The following ZNF423 variants were observed in gnomAD, a reference collection of about 807,000 sequenced individuals.
ZNF423 encodes the protein zinc finger protein 423, also known as Ebf-associated zinc finger protein.
In ZNF423, 12 loss-of-function variants were observed where a neutral mutation model predicts 95.8. The ratio of observed to expected loss-of-function variants is 0.13; its 90% confidence interval spans 0.08 to 0.20. The LOEUF (loss-of-function observed/expected upper bound fraction) is 0.20, where lower values mean the gene tolerates loss of function less well. Among genes scored for constraint, ZNF423 ranks in the 10% least tolerant of loss-of-function variants. ZNF423 has a pLI of 1.00. For synonymous variants in ZNF423, 749 were observed against 711.9 expected, an observed-to-expected ratio of 1.05 and a Z score of -0.83; for missense variants, 1,316 against 1,737.1, an observed-to-expected ratio of 0.76 and a Z score of 4.31.
At chr16:49,630,466 T>C (rs1436198172) in intron 4 of ZNF423, among the ~76,000 whole-genome samples, 1 of 152,036 alleles carries the variant, frequency 6.6e-6, no homozygotes, top group African/African-American at 2.4e-5. Flanking sequence ...GGAAGCTTCA[T>C]CACAAGGAAG....
At chr16:49,671,535 C>T (rs779735733) in intron 3 of ZNF423, among the ~76,000 whole-genome samples, 17 of 152,222 alleles carry the variant, frequency 1.1e-4, no homozygotes, top group African/African-American at 2.4e-4. Flanking sequence ...CCACCCACCC[C>T]GCCCTGCATG....
chr16:49,666,270 A>G (rs2030540354), intron 3 of ZNF423, among the ~76,000 whole-genome samples: 1 of 152,192 alleles, frequency 6.6e-6, no homozygotes, highest in Admixed American at 6.5e-5. Flanking sequence ...TGTAGCCCCT[A>G]CCATACGTTA....
chr16:49,730,506 G>A (rs1194159877), intron 3 of ZNF423: 1 of 523,780 alleles, frequency 1.9e-6, no homozygotes, highest in Non-Finnish European at 3.4e-6. Flanking sequence ...ACCCATTCAT[G>A]GCCTGAGTAC....
At chr16:49,770,753 C>A (rs1802230360) in intron 2 of ZNF423, among the ~76,000 whole-genome samples, 1 of 152,206 alleles carries the variant, frequency 6.6e-6, no homozygotes, top group African/African-American at 2.4e-5. Context: ...GAGATCATCT[C>A]CGGGCCCTAC....
chr16:49,836,561 G>A (rs2035122566), intron 1 of ZNF423, among the ~76,000 whole-genome samples: 1 of 152,140 alleles, frequency 6.6e-6, no homozygotes, highest in Non-Finnish European at 1.5e-5. Context: ...CAGCCTCACT[G>A]TGACATGTGA....
chr16:49,657,972 T>A (rs1053887133), intron 3 of ZNF423, among the ~76,000 whole-genome samples: 5 of 152,200 alleles, frequency 3.3e-5, no homozygotes, highest in Non-Finnish European at 7.3e-5. Flanking sequence ...TCCTATACTA[T>A]TACTCAACCT....
chr16:49,766,917 T>G (rs942176696), intron 2 of ZNF423, among the ~76,000 whole-genome samples: 1 of 152,110 alleles, frequency 6.6e-6, no homozygotes, highest in Non-Finnish European at 1.5e-5. Flanking sequence ...TGCAAACTTA[T>G]GACCTGGCAA....
intron 1 of ZNF423, among the ~76,000 whole-genome samples, chr16:49,815,272 C>T (rs1323253800): frequency 6.6e-6 from 1 of 152,088 alleles, no homozygotes; most frequent in Non-Finnish European, 1.5e-5. Context: ...AGCTGCTCCA[C>T]CAAAACGAAC....
chr16:49,568,231 G>C (rs1180948726), intron 5 of ZNF423, among the ~76,000 whole-genome samples: 1 of 152,180 alleles, frequency 6.6e-6, no homozygotes, highest in Non-Finnish European at 1.5e-5. Flanking sequence ...GGAGGTTAAA[G>C]GACTCTCCTG....
chr16:49,671,824 A>G (rs927095606), intron 3 of ZNF423, among the ~76,000 whole-genome samples: 1 of 152,036 alleles, frequency 6.6e-6, no homozygotes, highest in African/African-American at 2.4e-5. Flanking sequence ...AGCTGGGATT[A>G]CAGGCAGACA....
chr16:49,820,012 T>C (rs1334986682), intron 1 of ZNF423, among the ~76,000 whole-genome samples: 1 of 152,076 alleles, frequency 6.6e-6, no homozygotes, highest in Non-Finnish European at 1.5e-5. Flanking sequence ...ATTAAAGGTA[T>C]ATTTGTTGAA....
intron 3 of ZNF423, among the ~76,000 whole-genome samples, chr16:49,688,488 G>C (rs1055182792): frequency 6.6e-6 from 1 of 152,196 alleles, no homozygotes; most frequent in African/African-American, 2.4e-5. Flanking sequence ...GGAACCTTCA[G>C]GAAGATGTCT....
chr16:49,837,070 A>T (rs1056341516), intron 1 of ZNF423, among the ~76,000 whole-genome samples: 1 of 145,968 alleles, frequency 6.9e-6, no homozygotes, highest in Non-Finnish European at 1.5e-5. Context: ...GCCTGGTTTG[A>T]TGTCTGGGGG....
At chr16:49,535,726 T>C (rs577539563) in intron 5 of ZNF423, among the ~76,000 whole-genome samples, 6 of 152,192 alleles carry the variant, frequency 3.9e-5, no homozygotes, top group Non-Finnish European at 7.3e-5. Flanking sequence ...AACTGAAGGC[T>C]GATCACCTCA....
At chr16:49,568,711 C>T (rs1210027150) in intron 5 of ZNF423, among the ~76,000 whole-genome samples, 1 of 152,132 alleles carries the variant, frequency 6.6e-6, no homozygotes, top group Non-Finnish European at 1.5e-5. Context: ...AGTGAGGGCT[C>T]CCCAATCTCT....
In ZNF423 at chr16:49,638,192, G is replaced by A; in HGVS notation, c.984C>T (p.Asn328=). The change falls in exon 4 of 8, where the codon AAC becomes AAT. Residue 328 remains asparagine (N), a synonymous_variant. Transcript: ENST00000563137. The surrounding 1 kb of genome is among the most constrained non-coding windows in gnomAD (Gnocchi z 5.6). ...GGCACATGGGGCACTTGTGTTTCTG[G>A]TTGGCGTGGGCTTGGTGGATATGGG... ...LLAHIHQAHA[N]QKHKCPMCPE... The A allele has an allele frequency of 1.9e-6, 3 of 1,608,122 alleles. No homozygotes were observed. Among genetic ancestry groups the A allele is most frequent in the Non-Finnish European group, 2.5e-6 (3 of 1,180,004 alleles).
At chr16:49,608,113 T>A (rs1971597857) in intron 5 of ZNF423, among the ~76,000 whole-genome samples, 1 of 152,180 alleles carries the variant, frequency 6.6e-6, no homozygotes. Flanking sequence ...AGTGCACCCA[T>A]CTGATATGTC....
chr16:49,771,196 T>C (rs1051318455), intron 2 of ZNF423, among the ~76,000 whole-genome samples: 9 of 138,442 alleles, frequency 6.5e-5, no homozygotes, highest in African/African-American at 2.2e-4. Context: ...TTTTTTCTTT[T>C]TTTTTTTTTT....
chr16:49,518,931 G>A (rs1968271668), intron 7 of ZNF423, among the ~76,000 whole-genome samples: 1 of 152,196 alleles, frequency 6.6e-6, no homozygotes, highest in Admixed American at 6.5e-5. Context: ...GGGTGTGGTG[G>A]TGTGCACCTA....
Sources: gnomAD v4.1 joint callset for allele counts (sites outside exome capture counted in the v4.1 genomes callset) on GRCh38, gnomAD v4.1.1 for gene constraint, Gnocchi (gnomAD v3.1) non-coding constraint, MANE v1.5 for transcripts, NCBI Gene and HGNC (gene_info 2026-07-23, HGNC 2026-07-21) for gene names.